The following NOX3 variants were observed in gnomAD, a reference collection of about 807,000 sequenced individuals.
NOX3 encodes the protein NADPH oxidase catalytic subunit-like 3.
NOX3 carries 74 observed loss-of-function variants against 76.7 expected under a neutral mutation model. The observed-to-expected ratio is 0.96, with a 90% CI of 0.80 to 1.17. The LOEUF (loss-of-function observed/expected upper bound fraction) is 1.17. Ranked by LOEUF, NOX3 falls within the 50% of genes most tolerant of loss-of-function variation. NOX3 has a pLI of 0.00. For synonymous variants in NOX3, 263 were observed against 261.1 expected, an observed-to-expected ratio of 1.01 and a Z score of -0.07; for missense variants, 695 against 703.3, an observed-to-expected ratio of 0.99 and a Z score of 0.13.
intron 5 of NOX3, among the ~76,000 whole-genome samples, chr6:155,442,002 C>T (rs183996623): frequency 1.4e-4 from 22 of 152,304 alleles, no homozygotes; most frequent in African/African-American, 4.3e-4. Context: ...CGGTGGCTCA[C>T]GCCTGTAATC....
intron 10 of NOX3, among the ~76,000 whole-genome samples, chr6:155,422,257 A>G (rs1224090664): frequency 1.3e-5 from 2 of 152,154 alleles, no homozygotes; most frequent in Non-Finnish European, 2.9e-5. Context: ...ACCCCACAGC[A>G]AGCCGGCCAA....
chr6:155,404,636 C>T (rs1776421963), intron 12 of NOX3, among the ~76,000 whole-genome samples: 1 of 152,152 alleles, frequency 6.6e-6, no homozygotes, highest in South Asian at 2.1e-4. Context: ...TGATGCTTTT[C>T]TTGGGGTCTC....
At chr6:155,410,295 C>CTG (rs1562459438) in intron 11 of NOX3, among the ~76,000 whole-genome samples, 1 of 123,062 alleles carries the variant, frequency 8.1e-6, no homozygotes, top group African/African-American at 4.0e-5. Context: ...TCTATAAGGC[C>CTG]AGTGTGTGTG....
chr6:155,405,769 C>T (rs974699464), intron 12 of NOX3, among the ~76,000 whole-genome samples: 13 of 152,216 alleles, frequency 8.5e-5, no homozygotes, highest in African/African-American at 2.7e-4. Flanking sequence ...ATCACCTCCT[C>T]TGCTGCTCCC....
rs1416041724 is a variant in NOX3 at position 155,445,894 on chromosome 6, T to G, written c.341-2476A>C. ...CATATATATATATATATGCTATATA[T>G]ATATATTATATATATGCTATAGATA... On this transcript the variant is annotated intron_variant, in intron 4 of 13. Transcript: ENST00000159060. Among the ~76,000 whole-genome samples, 6 of 127,868 alleles carry G rather than the reference T, an allele frequency of 4.7e-5. No homozygotes were observed. In the East Asian group the frequency reaches 9.6e-4, roughly 21 times the overall value. 83.9% of individuals were successfully genotyped at this position (127,868 alleles called of 152,430 possible).
chr6:155,448,983 A>G (rs1370057400), intron 4 of NOX3, among the ~76,000 whole-genome samples: 2 of 152,168 alleles, frequency 1.3e-5, no homozygotes, highest in African/African-American at 4.8e-5. Context: ...TGTGTGTGCC[A>G]CGCATTTGTA....
chr6:155,396,175 A>C (rs926010912), intron 13 of NOX3, among the ~76,000 whole-genome samples: 19 of 152,194 alleles, frequency 1.2e-4, no homozygotes, highest in African/African-American at 4.8e-5. Flanking sequence ...GGACCAGAAA[A>C]GGGATAGGAA....
At chr6:155,432,004 G>T (rs1217192794) in intron 7 of NOX3, among the ~76,000 whole-genome samples, 1 of 152,082 alleles carries the variant, frequency 6.6e-6, no homozygotes, top group Non-Finnish European at 1.5e-5. Flanking sequence ...TGAACTCATT[G>T]AATTTTAGGA....
chr6:155,443,349 C>A lies in NOX3; in HGVS notation c.410G>T (p.Gly137Val). ...CAGCTTGGAAAGTGCGGCCAGAAGTCCCTGGGCCTCCTCGGACTGGCTCCA... is the reference window on the plus strand; with the variant it reads ...CAGCTTGGAAAGTGCGGCCAGAAGTACCTGGGCCTCCTCGGACTGGCTCCA... ...YHWSQSEEAQ[G>V]LLAALSKLGN... Residue 137 changes from glycine to valine, a missense_variant, in exon 5 of 14, where the codon GGA (glycine) becomes GTA (valine). Gly to Val is a moderately radical substitution (Grantham distance 109). Transcript: ENST00000159060. 9 of 1,614,070 alleles carry A rather than the reference C, an allele frequency of 5.6e-6. No individual in the cohort carries two copies. The highest frequency in any genetic ancestry group is 7.6e-6 in the Non-Finnish European group (9 of 1,179,984).
intron 13 of NOX3, 62 bp from the exon 14 acceptor site, chr6:155,395,636 TA>T (rs1334585677): frequency 6.6e-6 from 1 of 152,178 alleles, no homozygotes; most frequent in Admixed American, 6.5e-5. Context: ...TACATACCAG[TA>T]GTAGTGTCTG....
intron 9 of NOX3, among the ~76,000 whole-genome samples, chr6:155,426,175 C>A (rs1252211146): frequency 6.6e-6 from 1 of 152,150 alleles, no homozygotes; most frequent in Admixed American, 6.5e-5. Context: ...AATACATATG[C>A]CTACACACAT....
At chr6:155,429,926 A>G (rs1198207579) in intron 8 of NOX3, among the ~76,000 whole-genome samples, 4 of 152,242 alleles carry the variant, frequency 2.6e-5, no homozygotes, top group Non-Finnish European at 5.9e-5. Context: ...CCCTCGTAAC[A>G]GCTCGAGTAG....
intron 11 of NOX3, among the ~76,000 whole-genome samples, chr6:155,408,292 A>T (rs549643657): frequency 9.1e-4 from 139 of 152,222 alleles, no homozygotes; most frequent in African/African-American, 3.2e-3. Flanking sequence ...GGCCATGATC[A>T]TGTTTTAAGT....
intron 4 of NOX3, among the ~76,000 whole-genome samples, chr6:155,445,894 T>TATATTATATATATGCTATAG (rs1777053964): frequency 3.1e-5 from 4 of 127,866 alleles, no homozygotes; most frequent in Non-Finnish European, 6.5e-5. Flanking sequence ...ATGCTATATA[T>TATATTATATATATGCTATAG]ATATATTATA....
intron 11 of NOX3, among the ~76,000 whole-genome samples, chr6:155,410,324 C>T (rs911163413): frequency 1.1e-4 from 15 of 131,848 alleles, no homozygotes; most frequent in Admixed American, 5.0e-4. Flanking sequence ...TGTGTGCGCA[C>T]GCATGTGTGT....
chr6:155,429,384 T>C (rs1159912664), intron 8 of NOX3, among the ~76,000 whole-genome samples: 1 of 152,240 alleles, frequency 6.6e-6, no homozygotes, highest in East Asian at 1.9e-4. Flanking sequence ...CATATTATTA[T>C]GCTTAGGGTT....
chr6:155,401,563 G>T (rs1322645762), intron 12 of NOX3, among the ~76,000 whole-genome samples: 1 of 152,052 alleles, frequency 6.6e-6, no homozygotes, highest in Non-Finnish European at 1.5e-5. Context: ...AGCAAATGTG[G>T]GTCCAGATGG....
intron 4 of NOX3, among the ~76,000 whole-genome samples, chr6:155,449,564 C>G (rs968415602): frequency 3.3e-5 from 5 of 152,132 alleles, no homozygotes; most frequent in African/African-American, 1.2e-4. Flanking sequence ...GGCAGGAAGC[C>G]AAAAGAAGAG....
chr6:155,401,089 C>T (rs535215528), intron 12 of NOX3, among the ~76,000 whole-genome samples: 1 of 152,234 alleles, frequency 6.6e-6, no homozygotes, highest in South Asian at 2.1e-4. Flanking sequence ...CATAAGTAAC[C>T]AAATATTTTG....
Sources: allele counts gnomAD v4.1 joint callset (sites outside exome capture counted in the v4.1 genomes callset), GRCh38; gene constraint gnomAD v4.1.1; transcripts MANE v1.5; gene names NCBI Gene and HGNC (gene_info 2026-07-23, HGNC 2026-07-21).